The following CSMD2 variants were observed in gnomAD, a reference collection of about 807,000 sequenced individuals.
CSMD2 encodes CUB and sushi domain-containing protein 2.
A neutral mutation model predicts 398.5 loss-of-function variants in CSMD2; 130 were observed. The observed-to-expected ratio is 0.33, with a 90% confidence interval of 0.28 to 0.38. The LOEUF (loss-of-function observed/expected upper bound fraction) is 0.38. CSMD2 is among the 10% of genes least tolerant of loss of function. The probability of loss-of-function intolerance (pLI) is 1.00; values close to 1 mark genes in which losing one functional copy is unlikely to be tolerated. For missense variants in CSMD2, 3,829 were observed against 4,764.9 expected (o/e 0.80, Z 5.78); for synonymous variants, 1,828 against 1,908.5 (o/e 0.96, Z 1.10).
chr1:33,881,999 T>G (rs191200791), intron 5 of CSMD2, among the ~76,000 whole-genome samples: 10 of 152,348 alleles, frequency 6.6e-5, no homozygotes, highest in African/African-American at 2.2e-4. Context: ...TAATAAATAA[T>G]GCTGCAGTGA....
intron 10 of CSMD2, among the ~76,000 whole-genome samples, chr1:33,805,256 G>A (rs1656090322): frequency 1.3e-5 from 2 of 152,208 alleles, no homozygotes; most frequent in South Asian, 4.1e-4. Context: ...GAGCCCTCTA[G>A]TCAACAACTT....
intron 3 of CSMD2, among the ~76,000 whole-genome samples, chr1:33,957,842 C>T (rs1400543453): frequency 1.3e-5 from 2 of 152,086 alleles, no homozygotes; most frequent in Non-Finnish European, 2.9e-5. Flanking sequence ...CGAACAGAAC[C>T]CTGATCCTGC....
rs369058354 is a variant in CSMD2, at chr1:33,725,370, C to T, written c.2674G>A (p.Gly892Ser). 3 of 1,613,840 alleles carry T rather than the reference C, an allele frequency of 1.9e-6. No individual in the cohort carries two copies. The highest frequency in any genetic ancestry group is 1.3e-5 in the African/African-American group (1 of 74,894). The change falls in exon 17 of 71, where the codon GGC (glycine) becomes AGC (serine). Residue 892 changes from glycine (G) to serine (S), a missense_variant. Transcript: ENST00000373381. ...TCACTCTCATAGCGGAGCTGGAAGC[C>T]GATGTCCGAGTGACTCTTGTCGGTA... ...FSTDKSHSDIGFQLRYETITL... is the reference protein window; with the variant it reads ...FSTDKSHSDISFQLRYETITL...
intron 64 of CSMD2, 97 bp downstream of exon 64, chr1:33,532,953 G>A (rs1027763070): frequency 2.2e-5 from 25 of 1,151,364 alleles, no homozygotes; most frequent in Middle Eastern, 6.0e-4. Context: ...TCCTTGAAAC[G>A]CAATTCCTTC....
At chr1:33,644,206 G>A (rs1643285865) in intron 29 of CSMD2, among the ~76,000 whole-genome samples, 1 of 152,110 alleles carries the variant, frequency 6.6e-6, no homozygotes, top group East Asian at 1.9e-4. Context: ...AGGCAAAAGT[G>A]GAAAGAACTT....
intron 58 of CSMD2, 75 bp downstream of exon 58, chr1:33,542,645 T>C (rs1238574432): frequency 5.1e-6 from 7 of 1,364,518 alleles, no homozygotes; most frequent in Non-Finnish European, 6.0e-6. Flanking sequence ...CCATCTTCCA[T>C]GGATAGCCTT....
At chr1:33,639,986 C>CCAAG (rs2148927942) in intron 29 of CSMD2, among the ~76,000 whole-genome samples, 1 of 152,294 alleles carries the variant, frequency 6.6e-6, no homozygotes, top group South Asian at 2.1e-4. Flanking sequence ...AATGAGTCTT[C>CCAAG]CAAGCCTTTC....
rs765420130 is a variant in CSMD2, at chr1:33,820,441, A to G, written c.1199+28T>C. 2.6e-6 allele frequency: 4 copies of G among 1,519,416 alleles called. No homozygotes were observed. The East Asian group carries it at 9.0e-5, about 34-fold the overall frequency. 94.1% of individuals were successfully genotyped at this position (1,519,416 alleles called of 1,614,324 possible). Reference sequence around the variant, plus strand: ...AGCCAGGCCACCCCACCCTTCTTGCAATCAGAAAATTCCCAAATAGATCTT... The same window carrying G: ...AGCCAGGCCACCCCACCCTTCTTGCGATCAGAAAATTCCCAAATAGATCTT... On this transcript the variant is annotated intron_variant, in intron 8 of 70. Transcript: ENST00000373381.
intron 47 of CSMD2, among the ~76,000 whole-genome samples, chr1:33,582,602 GAAT>G (rs1195653184): frequency 2.6e-5 from 4 of 152,154 alleles, no homozygotes; most frequent in Non-Finnish European, 4.4e-5. Context: ...TCAGAAAACA[GAAT>G]ATTATAGAAA....
intron 53 of CSMD2, among the ~76,000 whole-genome samples, chr1:33,563,699 G>C (rs1210572730): frequency 6.6e-6 from 1 of 152,022 alleles, no homozygotes; most frequent in Non-Finnish European, 1.5e-5. Context: ...CTGATTCCAG[G>C]CCATCTTAAC....
intron 58 of CSMD2, among the ~76,000 whole-genome samples, chr1:33,542,176 T>C (rs1411424202): frequency 6.6e-6 from 1 of 152,172 alleles, no homozygotes; most frequent in East Asian, 1.9e-4. Flanking sequence ...AGTGACTCAC[T>C]TTTCCCAGAA....
intron 13 of CSMD2, among the ~76,000 whole-genome samples, chr1:33,749,555 G>A (rs1188592739): frequency 6.6e-6 from 1 of 151,936 alleles, no homozygotes; most frequent in Non-Finnish European, 1.5e-5. Context: ...ACATGATTAA[G>A]GAGAGAAGAG....
intron 41 of CSMD2, among the ~76,000 whole-genome samples, chr1:33,608,240 A>G (rs1012519753): frequency 1.3e-5 from 2 of 152,176 alleles, no homozygotes; most frequent in African/African-American, 4.8e-5. Context: ...ACACAGGCAC[A>G]ACCTTTACAA....
intron 1 of CSMD2, among the ~76,000 whole-genome samples, chr1:34,102,531 A>G (rs1164107009): frequency 7.0e-6 from 1 of 143,656 alleles, no homozygotes; most frequent in African/African-American, 2.6e-5. Flanking sequence ...CTCTTCTCCT[A>G]TCTCTTGTCC....
chr1:33,910,756 C>G (rs1643406063), intron 5 of CSMD2, among the ~76,000 whole-genome samples: 1 of 152,134 alleles, frequency 6.6e-6, no homozygotes, highest in African/African-American at 2.4e-5. Flanking sequence ...CTTGGGAAAG[C>G]CTGCCTGAGA....
At chr1:33,890,538 T>C (rs1641934050) in intron 5 of CSMD2, among the ~76,000 whole-genome samples, 1 of 152,164 alleles carries the variant, frequency 6.6e-6, no homozygotes, top group Non-Finnish European at 1.5e-5. Flanking sequence ...CCTATTCTTT[T>C]AAAATTAAAT....
At chr1:34,090,404 C>T (rs1010910985) in intron 1 of CSMD2, among the ~76,000 whole-genome samples, 3 of 152,144 alleles carry the variant, frequency 2.0e-5, no homozygotes, top group South Asian at 2.1e-4. Flanking sequence ...CTCCTCTCTC[C>T]GATTTGGGGG....
Position 33,748,228 on chromosome 1 carries a change from A to C in CSMD2, c.1847-4622T>G, listed in dbSNP as rs540192694. Among the ~76,000 whole-genome samples the C allele has an allele frequency of 2.6e-5, 4 of 152,326 alleles. No individual in the cohort carries two copies. In the East Asian group the frequency reaches 7.7e-4, roughly 29 times the overall value. The stretch of plus-strand genomic sequence containing the variant: ...TCTTGCTCTGGAAAATTATGTATGC[A>C]TGTTGTATTGTAATATTTCTGTAAG... On this transcript the variant is annotated intron_variant, in intron 13 of 70. Coordinates refer to ENST00000373381, the MANE Select transcript of CSMD2 (RefSeq NM_001281956.2).
At position 34,123,321 on chromosome 1, in the gene CSMD2, A is replaced by T. The variant is rs76180210; in HGVS notation, c.188-34128T>A. ...GACGGGGTCCAGAGAGCTTCCAGAG[A>T]GCGGAACACGTGGAGATTCCTGGAG... On this transcript the variant is annotated intron_variant, in intron 1 of 70. Coordinates refer to ENST00000373381, the MANE Select transcript of CSMD2 (RefSeq NM_001281956.2). Among the ~76,000 whole-genome samples, 904 of 152,286 alleles carry T rather than the reference A, an allele frequency of 5.9e-3. 17 individuals carry two copies. Among genetic ancestry groups the T allele is most frequent in the African/African-American group, 0.021 (858 of 41,564 alleles).
Sources: gnomAD v4.1 joint callset for allele counts (sites outside exome capture counted in the v4.1 genomes callset) on GRCh38, gnomAD v4.1.1 for gene constraint, MANE v1.5 for transcripts, NCBI Gene and HGNC (gene_info 2026-07-23, HGNC 2026-07-21) for gene names.